The following PEX3 variants were observed in gnomAD, a reference collection of about 807,000 sequenced individuals.
The protein encoded by PEX3 is peroxisomal biogenesis factor 3.
In PEX3, 30 loss-of-function variants were observed where a neutral mutation model predicts 55.8. The observed-to-expected ratio is 0.54, with a 90% CI of 0.40 to 0.73. PEX3 has a LOEUF of 0.73. Among genes scored for constraint, PEX3 ranks in the 30% least tolerant of loss-of-function variants. The pLI is 0.00. For synonymous variants in PEX3, 135 were observed against 148.4 expected (o/e 0.91, Z 0.66); for missense variants, 351 against 432.8 (o/e 0.81, Z 1.68).
rs1780277856 is a variant in PEX3, at chr6:143,483,927, A to G, written c.942-1225A>G. Reference sequence around the variant, plus strand: ...TAATCAAAATCATGATAGATTTTGAAAAATGCCACAAAGGTACCATGAAAA... The same window carrying G: ...TAATCAAAATCATGATAGATTTTGAGAAATGCCACAAAGGTACCATGAAAA... On this transcript the variant is annotated intron_variant, in intron 10 of 11. Coordinates refer to ENST00000367591, the MANE Select transcript of PEX3 (RefSeq NM_003630.3). The surrounding 1 kb of genome is among the most constrained non-coding windows in gnomAD (Gnocchi z 4.3). 6.7e-6 allele frequency among the ~76,000 whole-genome samples: 1 copy of G among 149,718 alleles called. No individual in the cohort carries two copies. The highest frequency in any genetic ancestry group is 2.4e-5 in the African/African-American group (1 of 41,292).
At position 143,453,931 on chromosome 6, in the gene PEX3, C is replaced by G. The variant is rs1779809112; in HGVS notation, c.73+2816C>G. Reference sequence around the variant, plus strand: ...AGAATTGACTCCCAAACTTTTTGATCTAAGGTCTCCTTTACACTCTGAAAA... The same window carrying G: ...AGAATTGACTCCCAAACTTTTTGATGTAAGGTCTCCTTTACACTCTGAAAA... On this transcript the variant is annotated intron_variant, in intron 1 of 11. Coordinates refer to ENST00000367591, the MANE Select transcript of PEX3 (RefSeq NM_003630.3). The surrounding 1 kb of genome is among the most constrained non-coding windows in gnomAD (Gnocchi z 4.6). Among the ~76,000 whole-genome samples the G allele has an allele frequency of 6.6e-6, 1 of 152,112 alleles. No homozygotes were observed. Among genetic ancestry groups the G allele is most frequent in the African/African-American group, 2.4e-5 (1 of 41,432 alleles).
rs752124693 is a variant in PEX3, at chr6:143,459,178, A to G, written c.167A>G (p.Tyr56Cys). Reference sequence around the variant, plus strand: ...TACATTGCCCAAGCACGACGACAATATCATTTTGAAAGTAACCAGAGGACT... The same window carrying G: ...TACATTGCCCAAGCACGACGACAATGTCATTTTGAAAGTAACCAGAGGACT... ...AEYIAQARRQYHFESNQRTCN... is the reference protein window; with the variant it reads ...AEYIAQARRQCHFESNQRTCN... The change falls in exon 2 of 12, where the codon TAT becomes TGT. Residue 56 changes from tyrosine (Y) to cysteine (C), a missense_variant. By Grantham distance (194) the Tyr-to-Cys change is radical. Coordinates refer to ENST00000367591, the MANE Select transcript of PEX3 (RefSeq NM_003630.3). This position sits in a 1 kb window ranked among gnomAD's most constrained non-coding sequence, Gnocchi z 4.2. 41 of 1,612,606 alleles carry G rather than the reference A, an allele frequency of 2.5e-5. No homozygotes were observed. The highest frequency in any genetic ancestry group is 3.4e-5 in the Non-Finnish European group (40 of 1,178,794).
Position 143,490,277 on chromosome 6 carries a change from A to G in PEX3, c.*1051A>G, listed in dbSNP as rs1376400999. 1 of 152,342 alleles carries G rather than the reference A, an allele frequency of 6.6e-6. No individual in the cohort carries two copies. Among genetic ancestry groups the G allele is most frequent in the Non-Finnish European group, 1.5e-5 (1 of 68,112 alleles). The allele number at this position is 152,342 out of a possible 1,614,324, so 9.4% of individuals were successfully genotyped here. A position where few individuals can be genotyped will look rare whatever the true frequency, so the allele number is the denominator to read the frequency against. ...AGGGCAAAAGTAAATAAATCATTAT[A>G]TATCATTAGTATGTTGACATATATT... On this transcript the variant is annotated 3_prime_UTR_variant, in exon 12 of 12. Transcript: ENST00000367591. The surrounding 1 kb of genome is among the most constrained non-coding windows in gnomAD (Gnocchi z 6.0).
chr6:143,468,089 A>G, intron 3 of PEX3, 33 bp from the exon 4 acceptor site: 1 of 1,147,636 alleles, frequency 8.7e-7, no homozygotes, highest in Non-Finnish European at 1.3e-6. Flanking sequence ...TATCTAGATT[A>G]TTATTTTCAT....
chr6:143,450,835 G>A lies in PEX3; in HGVS notation c.-208G>A. ...GCGGCGGCGGCTGCGCGGCGGCAGCGGCAGAAAGCGTAGCTGCTTTGCTGT... is the reference window on the plus strand; with the variant it reads ...GCGGCGGCGGCTGCGCGGCGGCAGCAGCAGAAAGCGTAGCTGCTTTGCTGT... On this transcript the variant is annotated 5_prime_UTR_variant, in exon 1 of 12. Coordinates refer to ENST00000367591, the MANE Select transcript of PEX3 (RefSeq NM_003630.3). The A allele has an allele frequency of 6.6e-6, 5 of 757,322 alleles. No homozygotes were observed. The South Asian group carries it at 7.9e-5, about 12-fold the overall frequency. 46.9% of individuals were successfully genotyped at this position (757,322 alleles called of 1,614,324 possible).
Position 143,471,275 on chromosome 6 carries a change from T to TC in PEX3, c.457-105dup. The TC allele has an allele frequency of 6.5e-6, 7 of 1,076,884 alleles. No homozygotes were observed. Among genetic ancestry groups the TC allele is most frequent in the Non-Finnish European group, 9.8e-6 (7 of 710,904 alleles). 66.7% of individuals were successfully genotyped at this position (1,076,884 alleles called of 1,614,324 possible). On this transcript the variant is annotated intron_variant, in intron 5 of 11. Coordinates refer to ENST00000367591, the MANE Select transcript of PEX3 (RefSeq NM_003630.3). This position sits in a 1 kb window ranked among gnomAD's most constrained non-coding sequence, Gnocchi z 5.4. ...TTGGTGTGTTAAAAATTACTATTTT[T>TC]CCCGTCATTTCAGATCTTGAAAAAT...
At position 143,479,297 on chromosome 6, in the gene PEX3, T is replaced by C. The variant is rs1334533366; in HGVS notation, c.941+99T>C. 5 of 885,004 alleles carry C rather than the reference T, an allele frequency of 5.6e-6. No individual in the cohort carries two copies. In the East Asian group the frequency reaches 1.3e-4, roughly 23 times the overall value. 54.8% of individuals were successfully genotyped at this position (885,004 alleles called of 1,614,324 possible). A position where few individuals can be genotyped will look rare whatever the true frequency, so the allele number is the denominator to read the frequency against. ...AGATAACAACAACAAACCTATTAAATTTGAGTGCCTCATTTTTTAACAAAT... is the reference window on the plus strand; with the variant it reads ...AGATAACAACAACAAACCTATTAAACTTGAGTGCCTCATTTTTTAACAAAT... On this transcript the variant is annotated intron_variant, in intron 10 of 11. Transcript: ENST00000367591. The surrounding 1 kb of genome is among the most constrained non-coding windows in gnomAD (Gnocchi z 4.6).
At position 143,471,805 on chromosome 6, in the gene PEX3, GT is replaced by G. The variant is rs1780078680; in HGVS notation, c.578+198del. On this transcript the variant is annotated intron_variant, in intron 7 of 11. Coordinates refer to ENST00000367591, the MANE Select transcript of PEX3 (RefSeq NM_003630.3). This position sits in a 1 kb window ranked among gnomAD's most constrained non-coding sequence, Gnocchi z 5.4. ...TCTTTTTTTTTATACAGAGGGGAAA[GT>G]TTTAATGTTTCATTGTTAATTGATT... Among the ~76,000 whole-genome samples, 1 of 151,998 alleles carries G rather than the reference GT, an allele frequency of 6.6e-6. No homozygotes were observed. Among genetic ancestry groups the G allele is most frequent in the Non-Finnish European group, 1.5e-5 (1 of 67,956 alleles).
At chr6:143,457,585 A>G (rs750274898) in intron 1 of PEX3, among the ~76,000 whole-genome samples, 1 of 152,182 alleles carries the variant, frequency 6.6e-6, no homozygotes, top group Non-Finnish European at 1.5e-5. Context: ...GACCAAATCT[A>G]ATTACTTAGG....
Position 143,490,580 on chromosome 6 carries a change from T to C in PEX3, c.*1354T>C. The C allele has an allele frequency of 1.3e-6, 1 of 773,778 alleles. No homozygotes were observed. The highest frequency in any genetic ancestry group is 1.9e-6 in the Non-Finnish European group (1 of 526,900). The allele number at this position is 773,778 out of a possible 1,614,324, so 47.9% of individuals were successfully genotyped here. A position where few individuals can be genotyped will look rare whatever the true frequency, so the allele number is the denominator to read the frequency against. ...CCAAGCATGTCTTCACCAAGGGATA[T>C]GGATTTGGCTTAATAAAACCTGATT... On this transcript the variant is annotated 3_prime_UTR_variant, in exon 12 of 12. Coordinates refer to ENST00000367591, the MANE Select transcript of PEX3 (RefSeq NM_003630.3). The surrounding 1 kb of genome is among the most constrained non-coding windows in gnomAD (Gnocchi z 6.0).
rs1780267698 is a variant in PEX3 at position 143,483,333 on chromosome 6, T to C, written c.942-1819T>C. Among the ~76,000 whole-genome samples the C allele has an allele frequency of 6.6e-6, 1 of 152,162 alleles. No individual in the cohort carries two copies. Among genetic ancestry groups the C allele is most frequent in the Non-Finnish European group, 1.5e-5 (1 of 68,022 alleles). On this transcript the variant is annotated intron_variant, in intron 10 of 11. Transcript: ENST00000367591. The surrounding 1 kb of genome is among the most constrained non-coding windows in gnomAD (Gnocchi z 4.3). ...GAAGTGTTATAAAGGAGAAGAACACTGAACGTATAATAGAAAAATTTAAAC... is the reference window on the plus strand; with the variant it reads ...GAAGTGTTATAAAGGAGAAGAACACCGAACGTATAATAGAAAAATTTAAAC...
rs910862559 is a variant in PEX3 at position 143,487,727 on chromosome 6, ATTTT to A, written c.1039-1408_1039-1405del. 6.8e-6 allele frequency among the ~76,000 whole-genome samples: 1 copy of A among 146,782 alleles called. No homozygotes were observed. The highest frequency in any genetic ancestry group is 2.5e-5 in the African/African-American group (1 of 40,154). ...CATTTTCTGAAGCTGACTTGCTAGTATTTTTTTTTTTATCTACTGTAACTATTCT... is the reference window on the plus strand; with the variant it reads ...CATTTTCTGAAGCTGACTTGCTAGTATTTTTTTATCTACTGTAACTATTCT... On this transcript the variant is annotated intron_variant, in intron 11 of 11. Transcript: ENST00000367591. The surrounding 1 kb of genome is among the most constrained non-coding windows in gnomAD (Gnocchi z 5.3).
rs1257414783 is a variant in PEX3 at position 143,450,836 on chromosome 6, G to A, written c.-207G>A. On this transcript the variant is annotated 5_prime_UTR_variant, in exon 1 of 12. Coordinates refer to ENST00000367591, the MANE Select transcript of PEX3 (RefSeq NM_003630.3). ...CGGCGGCGGCTGCGCGGCGGCAGCGGCAGAAAGCGTAGCTGCTTTGCTGTA... is the reference window on the plus strand; with the variant it reads ...CGGCGGCGGCTGCGCGGCGGCAGCGACAGAAAGCGTAGCTGCTTTGCTGTA... The A allele has an allele frequency of 7.9e-6, 6 of 759,372 alleles. No individual in the cohort carries two copies. The highest frequency in any genetic ancestry group is 1.3e-5 in the Non-Finnish European group (6 of 451,158). The allele number at this position is 759,372 out of a possible 1,614,324, so 47.0% of individuals were successfully genotyped here.
At chr6:143,456,509 C>T (rs1306692415) in intron 1 of PEX3, among the ~76,000 whole-genome samples, 2 of 152,170 alleles carry the variant, frequency 1.3e-5, no homozygotes, top group Non-Finnish European at 2.9e-5. Flanking sequence ...AATGTATTAT[C>T]TTACAATCCT....
In PEX3 at chr6:143,485,114, C is replaced by A; in HGVS notation, c.942-38C>A. On this transcript the variant is annotated intron_variant, in intron 10 of 11. Coordinates refer to ENST00000367591, the MANE Select transcript of PEX3 (RefSeq NM_003630.3). This position sits in a 1 kb window ranked among gnomAD's most constrained non-coding sequence, Gnocchi z 5.6. The stretch of plus-strand genomic sequence containing the variant: ...TTAAGATGTTAAAGTCCTGTGGGGT[C>A]ATTTCAGAAAATAATCATTACTGTA... 2.8e-6 allele frequency: 3 copies of A among 1,057,396 alleles called. No individual in the cohort carries two copies. The highest frequency in any genetic ancestry group is 2.5e-5 in the South Asian group (2 of 80,008). 65.5% of individuals were successfully genotyped at this position (1,057,396 alleles called of 1,614,324 possible).
Position 143,466,641 on chromosome 6 carries a change from G to A in PEX3, c.288-1481G>A, listed in dbSNP as rs770545728. On this transcript the variant is annotated intron_variant, in intron 3 of 11. Coordinates refer to ENST00000367591, the MANE Select transcript of PEX3 (RefSeq NM_003630.3). This position sits in a 1 kb window ranked among gnomAD's most constrained non-coding sequence, Gnocchi z 5.4. ...AGGCATCTACCGAGGGTCTTCAAAC[G>A]TATCCCCCAAGGATAAGAAGGGACT... Among the ~76,000 whole-genome samples the A allele has an allele frequency of 3.3e-5, 5 of 151,924 alleles. No homozygotes were observed. Among genetic ancestry groups the A allele is most frequent in the Non-Finnish European group, 5.9e-5 (4 of 67,918 alleles).
intron 9 of PEX3, among the ~76,000 whole-genome samples, chr6:143,478,272 C>T (rs1247025637): frequency 6.6e-6 from 1 of 152,006 alleles, no homozygotes; most frequent in African/African-American, 2.4e-5. Context: ...TGAGAATTGG[C>T]TGGAAATGGG....
rs951632620 is a variant in PEX3, at chr6:143,479,122, A to G, written c.865A>G (p.Ser289Gly). The G allele has an allele frequency of 6.3e-7, 1 of 1,593,996 alleles. No homozygotes were observed. Reference protein sequence around the residue: ...VLNTCLNRGFSRLLDNMAEFF... With the variant: ...VLNTCLNRGFGRLLDNMAEFF... The stretch of plus-strand genomic sequence containing the variant: ...GAATACCTGTTTAAACCGAGGTTTT[A>G]GTAGACTTCTAGACAATATGGCTGA... The change falls in exon 10 of 12, where the codon AGT (serine) becomes GGT (glycine). Residue 289 changes from serine (S) to glycine (G), a missense_variant. Coordinates refer to ENST00000367591, the MANE Select transcript of PEX3 (RefSeq NM_003630.3). This position sits in a 1 kb window ranked among gnomAD's most constrained non-coding sequence, Gnocchi z 4.6.
intron 4 of PEX3, among the ~76,000 whole-genome samples, chr6:143,470,029 A>C (rs1165675071): frequency 1.3e-5 from 2 of 152,074 alleles, no homozygotes; most frequent in Non-Finnish European, 2.9e-5. Context: ...GGCTCACTGC[A>C]ACCTCCACCT....
Sources: gnomAD v4.1 joint callset for allele counts (sites outside exome capture counted in the v4.1 genomes callset) on GRCh38, gnomAD v4.1.1 for gene constraint, Gnocchi (gnomAD v3.1) non-coding constraint, MANE v1.5 for transcripts, NCBI Gene and HGNC (gene_info 2026-07-23, HGNC 2026-07-21) for gene names.